The following CEP76 variants were observed in gnomAD, a reference collection of about 807,000 sequenced individuals.
CEP76 encodes the protein centrosomal protein 76.
A neutral mutation model predicts 83.3 loss-of-function variants in CEP76; 55 were observed. That is an observed-to-expected ratio of 0.66 (90% confidence interval 0.53 to 0.83). CEP76 has a LOEUF of 0.83. Among genes scored for constraint, CEP76 ranks in the 40% least tolerant of loss-of-function variants. The probability of loss-of-function intolerance (pLI) is 0.00; values close to 1 mark genes in which losing one functional copy is unlikely to be tolerated. For missense variants in CEP76, 694 were observed against 799.5 expected, an observed-to-expected ratio of 0.87 and a Z score of 1.59; for synonymous variants, 270 against 274.5, an observed-to-expected ratio of 0.98 and a Z score of 0.16.
At chr18:12,697,688 TTAAC>T (rs2040004407) in intron 4 of CEP76, among the ~76,000 whole-genome samples, 1 of 152,152 alleles carries the variant, frequency 6.6e-6, no homozygotes, top group African/African-American at 2.4e-5. Context: ...TTAAAAGTAC[TTAAC>T]TAAAGTATAT....
intron 6 of CEP76, among the ~76,000 whole-genome samples, chr18:12,694,279 A>C (rs1257654268): frequency 6.6e-6 from 1 of 152,220 alleles, no homozygotes; most frequent in African/African-American, 2.4e-5. Context: ...GAGAAGCACT[A>C]GCGTCTAACC....
Position 12,673,517 on chromosome 18 carries a change from A to G in CEP76, c.1842-14T>C, listed in dbSNP as rs1485291503. The G allele has an allele frequency of 6.4e-7, 1 of 1,554,810 alleles. No individual in the cohort carries two copies. Among genetic ancestry groups the G allele is most frequent in the African/African-American group, 1.4e-5 (1 of 70,430 alleles). The stretch of plus-strand genomic sequence containing the variant: ...CAGAAAGGAGATCTATTTAAGAAAA[A>G]AAAAATTATTCAATTAAGAAGTGAC... On this transcript the variant is annotated splice_polypyrimidine_tract_variant and intron_variant, in intron 11 of 11. Transcript: ENST00000262127.
Position 12,673,215 on chromosome 18 carries a change from A to C in CEP76, c.*150T>G. On this transcript the variant is annotated 3_prime_UTR_variant, in exon 12 of 12. Transcript: ENST00000262127. The stretch of plus-strand genomic sequence containing the variant: ...TTTAAAGGAATGCATGATTTTTTTT[A>C]AACATTACCAGTCAAGTATATACAA... 1 of 1,351,870 alleles carries C rather than the reference A, an allele frequency of 7.4e-7. No homozygotes were observed. The highest frequency in any genetic ancestry group is 3.2e-5 in the Admixed American group (1 of 31,308). The allele number at this position is 1,351,870 out of a possible 1,614,324, so 83.7% of individuals were successfully genotyped here.
chr18:12,692,344 CTTGTT>C (rs2039798821), intron 6 of CEP76: 1 of 151,852 alleles, frequency 6.6e-6, no homozygotes, highest in Admixed American at 6.6e-5. Context: ...CTGTCATTCT[CTTGTT>C]AAAACACTTC....
intron 7 of CEP76, among the ~76,000 whole-genome samples, chr18:12,690,447 A>C (rs983179261): frequency 6.6e-6 from 1 of 151,426 alleles, no homozygotes; most frequent in African/African-American, 2.4e-5. Context: ...CGTGAACCTG[A>C]CCACATTTTT....
intron 6 of CEP76, 143 bp downstream of exon 6, chr18:12,695,111 A>G: frequency 2.3e-6 from 1 of 443,874 alleles, no homozygotes; most frequent in Non-Finnish European, 4.1e-6. Context: ...TTTCTTCCTC[A>G]TCCTTTTTGT....
Position 12,678,380 on chromosome 18 carries a change from T to G in CEP76, c.1352A>C (p.Tyr451Ser). The change falls in exon 10 of 12, where the codon TAC becomes TCC. Residue 451 changes from tyrosine to serine, a missense_variant. Transcript: ENST00000262127. ...PPVAEQPKPLYPYRTIGCVFN... is the reference protein window; with the variant it reads ...PPVAEQPKPLSPYRTIGCVFN... ...AACACAACCAATTGTTCGATATGGG[T>G]ACAGTGGTTTGGGCTGTTCAGCAAC... 1.2e-6 allele frequency: 2 copies of G among 1,614,160 alleles called. No individual in the cohort carries two copies. Among genetic ancestry groups the G allele is most frequent in the Non-Finnish European group, 1.7e-6 (2 of 1,180,034 alleles).
At chr18:12,671,982 G>C (rs1234213611), downstream of CEP76, among the ~76,000 whole-genome samples, 1 of 151,596 alleles carries the variant, frequency 6.6e-6, no homozygotes, top group Non-Finnish European at 1.5e-5. Flanking sequence ...ACCATGCCCA[G>C]CTAATTTTTG....
downstream of CEP76, among the ~76,000 whole-genome samples, chr18:12,669,032 CTTTTTTT>C (rs71174122): frequency 4.1e-4 from 17 of 41,958 alleles, 2 homozygotes; most frequent in African/African-American, 1.1e-3. Flanking sequence ...ACCCCCCGCA[CTTTTTTT>C]TTTTTTTTTT....
At chr18:12,680,892 T>A in intron 8 of CEP76, 64 bp from the exon 9 acceptor site, 2 of 1,374,512 alleles carry the variant, frequency 1.5e-6, no homozygotes, top group Non-Finnish European at 2.0e-6. Flanking sequence ...CATACTTAAA[T>A]ACTAAATTAT....
At chr18:12,666,828 T>G (rs1234648611) in intron 12 of CEP76, among the ~76,000 whole-genome samples, 1 of 152,154 alleles carries the variant, frequency 6.6e-6, no homozygotes. Flanking sequence ...AGCTATTTGA[T>G]TCTTCCAATC....
In CEP76 at chr18:12,678,315, C is replaced by T. The variant is rs1255727891; in HGVS notation, c.1417G>A (p.Asp473Asn). The change falls in exon 10 of 12, where the codon GAT becomes AAT. Residue 473 changes from aspartate to asparagine, a missense_variant. Asp to Asn is a conservative substitution (Grantham distance 23). Coordinates refer to ENST00000262127, the MANE Select transcript of CEP76 (RefSeq NM_024899.4). ...QMFLGNCQPS[D>N]AVETCVFDLN... ...TCAAATACACAGGTTTCTACTGCAT[C>T]AGAGGGTTGACAATTTCCCAGGAAC... 1.7e-5 allele frequency: 27 copies of T among 1,614,030 alleles called. No individual in the cohort carries two copies. Among genetic ancestry groups the T allele is most frequent in the Non-Finnish European group, 2.3e-5 (27 of 1,180,034 alleles).
At chr18:12,687,231 C>G (rs1040948358) in intron 7 of CEP76, among the ~76,000 whole-genome samples, 13 of 152,120 alleles carry the variant, frequency 8.5e-5, no homozygotes, top group Non-Finnish European at 1.8e-4. Flanking sequence ...GAGATCTAAC[C>G]CAGCCAAAAG....
rs2038990299 is a variant in CEP76 at position 12,673,162 on chromosome 18, G to A, written c.*203C>T. On this transcript the variant is annotated 3_prime_UTR_variant, in exon 12 of 12. Coordinates refer to ENST00000262127, the MANE Select transcript of CEP76 (RefSeq NM_024899.4). ...CTTAATTTATACTAAATTCCAGGGA[G>A]ATTTATACAAGTTTTTCAGCCTTAA... 8.2e-7 allele frequency: 1 copy of A among 1,214,020 alleles called. No homozygotes were observed. The highest frequency in any genetic ancestry group is 1.6e-5 in the African/African-American group (1 of 62,502). 75.2% of individuals were successfully genotyped at this position (1,214,020 alleles called of 1,614,324 possible).
intron 11 of CEP76, among the ~76,000 whole-genome samples, chr18:12,673,968 C>T (rs1482587965): frequency 6.6e-6 from 1 of 152,126 alleles, no homozygotes; most frequent in Non-Finnish European, 1.5e-5. Flanking sequence ...AAATTATAGA[C>T]TATTTCCTTA....
At position 12,680,654 on chromosome 18, in the gene CEP76, AAACT is replaced by A; in HGVS notation, c.1289+4_1289+7del. ...ATTTTAATATCCTTATAAACTTAGT[AAACT>A]AACCTGTGTCCTGTTAAACTCTCCC... On this transcript the variant is annotated splice_donor_5th_base_variant and intron_variant, in intron 9 of 11. Transcript: ENST00000262127. 6.3e-7 allele frequency: 1 copy of A among 1,584,176 alleles called. No homozygotes were observed. The highest frequency in any genetic ancestry group is 8.6e-7 in the Non-Finnish European group (1 of 1,166,674).
intron 10 of CEP76, among the ~76,000 whole-genome samples, chr18:12,676,148 A>C (rs927258821): frequency 6.6e-6 from 1 of 152,060 alleles, no homozygotes. Context: ...GGTCTCAAAG[A>C]TCCACGATTA....
At position 12,687,773 on chromosome 18, in the gene CEP76, AAC is replaced by A. The variant is rs532603431; in HGVS notation, c.934-1325_934-1324del. ...TGGCCTAGAGGGCACCGATTTTTAA[AAC>A]AGAGGATTATTATTCTAATTTTGGG... On this transcript the variant is annotated intron_variant, in intron 7 of 11. Transcript: ENST00000262127. Among the ~76,000 whole-genome samples, 171 of 151,950 alleles carry A rather than the reference AAC, an allele frequency of 1.1e-3. 1 individual carries two copies. Among genetic ancestry groups the A allele is most frequent in the East Asian group, 7.2e-3 (37 of 5,158 alleles).
chr18:12,684,360 C>A (rs995498353), intron 8 of CEP76: 1 of 152,064 alleles, frequency 6.6e-6, no homozygotes, highest in Non-Finnish European at 1.5e-5. Flanking sequence ...AGTGATTTGC[C>A]CACCTTGGCC....
Sources: allele counts gnomAD v4.1 joint callset (sites outside exome capture counted in the v4.1 genomes callset), GRCh38; gene constraint gnomAD v4.1.1; transcripts MANE v1.5; gene names NCBI Gene and HGNC (gene_info 2026-07-23, HGNC 2026-07-21).